USP37: variants seen among roughly 807,000 people sequenced by gnomAD.
The protein encoded by USP37 is ubiquitin specific peptidase 37.
Under a neutral mutation model 124.0 loss-of-function variants are expected in USP37, and 27 were observed. That is an observed-to-expected ratio of 0.22 (90% CI 0.16 to 0.30). The LOEUF is 0.30. Ranked by LOEUF, USP37 falls within the 10% of genes least tolerant of loss-of-function variation. The pLI, the probability that USP37 is intolerant of heterozygous loss-of-function variation, is 1.00. For synonymous variants in USP37, 365 were observed against 388.0 expected (o/e 0.94, Z 0.70); for missense variants, 889 against 1,140.4 (o/e 0.78, Z 3.17).
chr2:218,528,839 A>G (rs914585266), intron 10 of USP37: 1 of 390,004 alleles, frequency 2.6e-6, no homozygotes. Context: ...AAAAAAAAAA[A>G]AAGAGCTTAT....
intron 10 of USP37, among the ~76,000 whole-genome samples, chr2:218,521,614 G>A (rs1439023242): frequency 6.6e-6 from 1 of 152,134 alleles, no homozygotes; most frequent in Admixed American, 6.5e-5. Context: ...TCCTGTATCA[G>A]TTTGCTGAGA....
intron 24 of USP37, among the ~76,000 whole-genome samples, chr2:218,456,282 A>C (rs1462930673): frequency 6.6e-6 from 1 of 151,852 alleles, no homozygotes; most frequent in Non-Finnish European, 1.5e-5. Flanking sequence ...GAACCCGTCC[A>C]TACAAAAAAT....
rs1464880983 is a variant in USP37 at position 218,478,540 on chromosome 2, T to G, written c.1901+1110A>C. 3.9e-5 allele frequency among the ~76,000 whole-genome samples: 6 copies of G among 152,200 alleles called. No individual in the cohort carries two copies. The East Asian group carries it at 1.2e-3, about 29-fold the overall frequency. Reference sequence around the variant, plus strand: ...CAGGTCTTCTAGGGCCTAATCATTCTTTATTGATCAACTCCCAAATTTTCA... The same window carrying G: ...CAGGTCTTCTAGGGCCTAATCATTCGTTATTGATCAACTCCCAAATTTTCA... On this transcript the variant is annotated intron_variant, in intron 18 of 25. Transcript: ENST00000258399.
intron 17 of USP37, among the ~76,000 whole-genome samples, chr2:218,481,378 C>T (rs1166141299): frequency 6.6e-6 from 1 of 152,104 alleles, no homozygotes; most frequent in Admixed American, 6.6e-5. Flanking sequence ...GATTCCTAAG[C>T]GCCTATCTCA....
chr2:218,501,275 A>G (rs935772601), intron 11 of USP37, among the ~76,000 whole-genome samples: 3 of 151,996 alleles, frequency 2.0e-5, no homozygotes, highest in Admixed American at 2.0e-4. Context: ...CCTGGGCTCA[A>G]GCAATCTGCC....
chr2:218,561,577 G>A (rs1268178034), intron 2 of USP37, among the ~76,000 whole-genome samples: 1 of 151,386 alleles, frequency 6.6e-6, no homozygotes, highest in Non-Finnish European at 1.5e-5. Flanking sequence ...AGAATCGCTG[G>A]AATCCGGGAG....
At chr2:218,548,954 A>C (rs1221283325) in intron 6 of USP37, among the ~76,000 whole-genome samples, 1 of 152,224 alleles carries the variant, frequency 6.6e-6, no homozygotes, top group African/African-American at 2.4e-5. Context: ...TGCTGAGGGA[A>C]GCCAGACCCT....
At chr2:218,496,179 G>A (rs866197471) in intron 13 of USP37, among the ~76,000 whole-genome samples, 2 of 151,976 alleles carry the variant, frequency 1.3e-5, no homozygotes, top group Non-Finnish European at 2.9e-5. Flanking sequence ...TGTAATCCCA[G>A]CTACTTGGGA....
chr2:218,466,422 T>A (rs551933010), intron 20 of USP37, among the ~76,000 whole-genome samples: 1 of 152,214 alleles, frequency 6.6e-6, no homozygotes, highest in South Asian at 2.1e-4. Context: ...TGTAGAACGT[T>A]TAGCAGTGTT....
At chr2:218,510,220 C>A in intron 10 of USP37, 80 bp from the exon 11 acceptor site, 1 of 1,445,942 alleles carries the variant, frequency 6.9e-7, no homozygotes, top group Non-Finnish European at 9.3e-7. Context: ...TAAGAGAAGT[C>A]AATGTTTAAG....
At chr2:218,490,569 C>T (rs1238609167) in intron 14 of USP37, among the ~76,000 whole-genome samples, 1 of 151,920 alleles carries the variant, frequency 6.6e-6, no homozygotes, top group East Asian at 1.9e-4. Context: ...ATATTTCTAC[C>T]CTAATTCCCT....
chr2:218,453,745 T>C lies in USP37; in HGVS notation c.*1185A>G, dbSNP rs1030938817. On this transcript the variant is annotated 3_prime_UTR_variant, in exon 26 of 26. Transcript: ENST00000258399. ...TTATGCACCTTTGTTATTTGTTAGT[T>C]TTTGGGATTACCTAAGCCAATCACA... 20 of 152,240 alleles carry C rather than the reference T, an allele frequency of 1.3e-4. No individual in the cohort carries two copies. The highest frequency in any genetic ancestry group is 2.8e-4 in the Non-Finnish European group (19 of 68,048). The allele number at this position is 152,240 out of a possible 1,614,324, so 9.4% of individuals were successfully genotyped here.
rs145315520 is a variant in USP37, at chr2:218,558,724, A to C, written c.-24-47T>G. The stretch of plus-strand genomic sequence containing the variant: ...TACCTTTACCTGGCAGGTTCTAAGG[A>C]AGAAAAATAAGATAAGTTATAACTT... On this transcript the variant is annotated intron_variant, in intron 3 of 25. Transcript: ENST00000258399. 6.9e-4 allele frequency: 938 copies of C among 1,354,296 alleles called. 8 individuals carry two copies. The African/African-American group carries it at 0.011, about 16-fold the overall frequency. The allele number at this position is 1,354,296 out of a possible 1,614,324, so 83.9% of individuals were successfully genotyped here.
intron 6 of USP37, among the ~76,000 whole-genome samples, chr2:218,548,499 C>T (rs926653817): frequency 7.8e-5 from 7 of 90,034 alleles, no homozygotes; most frequent in African/African-American, 3.1e-4. Context: ...CACCACCATG[C>T]CCAACTAATT....
chr2:218,526,920 C>G (rs1691005200), intron 10 of USP37, among the ~76,000 whole-genome samples: 1 of 151,358 alleles, frequency 6.6e-6, no homozygotes, highest in Non-Finnish European at 1.5e-5. Flanking sequence ...TCCCGAGTAG[C>G]TGGGACTACA....
intron 11 of USP37, chr2:218,498,470 G>A: frequency 6.1e-6 from 1 of 164,424 alleles, no homozygotes; most frequent in South Asian, 1.7e-4. Context: ...GCTCATGCCT[G>A]TAATCCAAGC....
At chr2:218,546,890 C>T in intron 7 of USP37, 29 bp downstream of exon 7, 1 of 1,599,694 alleles carries the variant, frequency 6.3e-7, no homozygotes, top group Non-Finnish European at 8.5e-7. Flanking sequence ...ACAGATACAG[C>T]TAGTGACTAA....
At position 218,547,177 on chromosome 2, in the gene USP37, A is replaced by G. The variant is rs1335945904; in HGVS notation, c.430-86T>C. ...GTGATTCTCCAATGGAAAGGTTTAA[A>G]AAATACAAATGGAGCCAGGTGCGAT... On this transcript the variant is annotated intron_variant, in intron 6 of 25. Transcript: ENST00000258399. The G allele has an allele frequency of 2.4e-5, 34 of 1,435,748 alleles. No homozygotes were observed. In the East Asian group the frequency reaches 7.8e-4, roughly 33 times the overall value. 88.9% of individuals were successfully genotyped at this position (1,435,748 alleles called of 1,614,324 possible).
In USP37 at chr2:218,488,424, G is replaced by C; in HGVS notation, c.1473-3C>G. On this transcript the variant is annotated splice_polypyrimidine_tract_variant and splice_region_variant and intron_variant, in intron 14 of 25. Coordinates refer to ENST00000258399, the MANE Select transcript of USP37 (RefSeq NM_020935.3). The stretch of plus-strand genomic sequence containing the variant: ...TTTTGGGGATAATCTCTCCACATCT[G>C]TAAGAATAAAATGAGACATGTAAGC... 6.4e-7 allele frequency: 1 copy of C among 1,570,918 alleles called. No individual in the cohort carries two copies. The highest frequency in any genetic ancestry group is 8.7e-7 in the Non-Finnish European group (1 of 1,153,412).
Sources: allele counts gnomAD v4.1 joint callset (sites outside exome capture counted in the v4.1 genomes callset), GRCh38; gene constraint gnomAD v4.1.1; transcripts MANE v1.5; gene names NCBI Gene and HGNC (gene_info 2026-07-23, HGNC 2026-07-21).